FGL1: variants seen among roughly 807,000 people sequenced by gnomAD.
FGL1 encodes the protein fibrinogen like 1, also known as fibrinogen-like protein 1.
In FGL1, 59 loss-of-function variants were observed where a neutral mutation model predicts 43.7. That is an observed-to-expected ratio of 1.35 (90% CI 1.10 to 1.68). FGL1 has a LOEUF of 1.68. Ranked by LOEUF, FGL1 falls within the 40% of genes most tolerant of loss-of-function variation. The pLI is 0.00. For missense variants in FGL1, 596 were observed against 373.0 expected, an observed-to-expected ratio of 1.60 and a Z score of -4.92; for synonymous variants, 192 against 126.5, an observed-to-expected ratio of 1.52 and a Z score of -3.48.
chr8:17,884,081 TTCCC>T (rs376985659), intron 2 of FGL1, among the ~76,000 whole-genome samples: 3 of 127,970 alleles, frequency 2.3e-5, no homozygotes, highest in South Asian at 2.3e-4. Flanking sequence ...TTCTTTCTCC[TTCCC>T]TCCCTCCCTC....
intron 3 of FGL1, among the ~76,000 whole-genome samples, chr8:17,877,954 T>C (rs947869173): frequency 1.1e-4 from 17 of 152,176 alleles, no homozygotes; most frequent in Non-Finnish European, 2.4e-4. Flanking sequence ...ATATATTAAC[T>C]CATTTTATTT....
chr8:17,887,620 C>T (rs1002673594), intron 1 of FGL1, among the ~76,000 whole-genome samples: 1 of 152,064 alleles, frequency 6.6e-6, no homozygotes. Context: ...GAGGCCGAGG[C>T]GGGCGGATCA....
At chr8:17,867,149 C>T (rs35029766) in intron 7 of FGL1, among the ~76,000 whole-genome samples, 1,763 of 152,286 alleles carry the variant, frequency 0.012, 32 homozygotes, top group African/African-American at 0.039. Flanking sequence ...GCAGGGGATA[C>T]GTTCTAAGAC....
intron 1 of FGL1, among the ~76,000 whole-genome samples, chr8:17,887,696 G>T (rs543680457): frequency 6.6e-6 from 1 of 152,052 alleles, no homozygotes; most frequent in Admixed American, 6.6e-5. Context: ...TTAGCTAGGT[G>T]TGGTGGTGGG....
intron 6 of FGL1, 25 bp from the exon 7 acceptor site, chr8:17,868,760 G>C: frequency 6.3e-7 from 1 of 1,591,840 alleles, no homozygotes. Context: ...CATTTCTGCT[G>C]TCAGTGGAGT....
At chr8:17,874,146 A>T in intron 4 of FGL1, 30 bp from the exon 5 acceptor site, 1 of 1,569,994 alleles carries the variant, frequency 6.4e-7, no homozygotes, top group Non-Finnish European at 8.7e-7. Context: ...AGCCGATTAG[A>T]GCAAACTCCA....
At chr8:17,887,096 G>C (rs12543936) in intron 1 of FGL1, among the ~76,000 whole-genome samples, 49 of 152,222 alleles carry the variant, frequency 3.2e-4, no homozygotes, top group African/African-American at 7.7e-4. Context: ...GGGGAGGAGA[G>C]AGACCCTGTT....
chr8:17,868,647 G>T lies in FGL1; in HGVS notation c.680C>A (p.Ala227Asp). The T allele has an allele frequency of 6.2e-7, 1 of 1,614,018 alleles. No individual in the cohort carries two copies. The highest frequency in any genetic ancestry group is 8.5e-7 in the Non-Finnish European group (1 of 1,179,960). The change falls in exon 7 of 8, where the codon GCT (alanine) becomes GAT (aspartate). Residue 227 changes from alanine (A) to aspartate (D), a missense_variant. Transcript: ENST00000427924. ...GCTGAATTTCATTCTTTGGTGACTA[G>T]CCCACCACTGCACCTCAGGATGAAA... ...GNFHPEVQWW[A>D]SHQRMKFSTW...
chr8:17,879,245 G>C (rs939492329), intron 3 of FGL1, among the ~76,000 whole-genome samples: 1 of 151,706 alleles, frequency 6.6e-6, no homozygotes, highest in African/African-American at 2.4e-5. Flanking sequence ...TCTAACTCCT[G>C]CTTGTACAGT....
chr8:17,867,715 G>A (rs2053291181), intron 7 of FGL1, among the ~76,000 whole-genome samples: 1 of 152,180 alleles, frequency 6.6e-6, no homozygotes, highest in South Asian at 2.1e-4. Context: ...AGACAGAGGG[G>A]TGACCCACCT....
rs1337145927 is a variant in FGL1, at chr8:17,882,074, C to A, written c.169G>T (p.Glu57Ter). ...QQVKIKQLLQ[E>*]NEVQFLDKGD... ...TTATCAAGGAACTGGACTTCATTCT[C>A]CTGCAAAAGCTGCTTGATCTTGACC... is the stretch of plus-strand genomic sequence containing the variant. The change falls in exon 3 of 8, where the codon GAG (glutamate) becomes TAG (stop). Residue 57 changes from glutamate (E) to a stop codon, truncating the protein, a stop_gained. Coordinates refer to ENST00000427924, the MANE Select transcript of FGL1 (RefSeq NM_004467.4). LOFTEE classifies it high-confidence loss of function. 1.9e-6 allele frequency: 3 copies of A among 1,613,930 alleles called. No individual in the cohort carries two copies. The Admixed American group carries it at 5.0e-5, about 27-fold the overall frequency.
chr8:17,864,566 C>G lies in FGL1; in HGVS notation c.*26G>C, dbSNP rs1027564755. The G allele has an allele frequency of 6.3e-7, 1 of 1,588,496 alleles. No individual in the cohort carries two copies. Among genetic ancestry groups the G allele is most frequent in the Non-Finnish European group, 8.5e-7 (1 of 1,170,540 alleles). On this transcript the variant is annotated 3_prime_UTR_variant, in exon 8 of 8. Coordinates refer to ENST00000427924, the MANE Select transcript of FGL1 (RefSeq NM_004467.4). ...AATCACTTTAAACAAAGCTGAATTG[C>G]AGAAACGAAAGCCCAACAGCAGCAA...
chr8:17,864,652 A>G lies in FGL1; in HGVS notation c.879T>C (p.Tyr293=). The change falls in exon 8 of 8, where the codon TAT becomes TAC. Residue 293 remains tyrosine (Y), a synonymous_variant. Transcript: ENST00000427924. The part of the protein sequence containing the change: ...IVWYTWHGWW[Y]SLKSVVMKIR... ...TTTTCATAACCACAGATTTCAGAGAATACCACCACCCATGCCAGGTGTACC... is the reference window on the plus strand; with the variant it reads ...TTTTCATAACCACAGATTTCAGAGAGTACCACCACCCATGCCAGGTGTACC... 1 of 1,613,656 alleles carries G rather than the reference A, an allele frequency of 6.2e-7. No individual in the cohort carries two copies. Among genetic ancestry groups the G allele is most frequent in the Non-Finnish European group, 8.5e-7 (1 of 1,179,888 alleles).
At chr8:17,874,161 T>C in intron 4 of FGL1, 45 bp from the exon 5 acceptor site, 1 of 1,535,260 alleles carries the variant, frequency 6.5e-7, no homozygotes. Context: ...ACTCCATTTG[T>C]GGTACCAAAG....
At chr8:17,864,970 G>T (rs1002516771) in intron 7 of FGL1, among the ~76,000 whole-genome samples, 1 of 150,950 alleles carries the variant, frequency 6.6e-6, no homozygotes, top group Non-Finnish European at 1.5e-5. Context: ...TTTAATAATA[G>T]AGACAGTGTC....
Position 17,874,003 on chromosome 8 carries a change from A to G in FGL1, c.502+16T>C, listed in dbSNP as rs748189753. 2.0e-6 allele frequency: 3 copies of G among 1,535,538 alleles called. No individual in the cohort carries two copies. The highest frequency in any genetic ancestry group is 1.3e-5 in the South Asian group (1 of 79,140). On this transcript the variant is annotated intron_variant, in intron 5 of 7. Coordinates refer to ENST00000427924, the MANE Select transcript of FGL1 (RefSeq NM_004467.4). Reference sequence around the variant, plus strand: ...TTATTATATTTCAAATAAATCTGACATCATTCAAACCTTACCTTGAGTGGT... The same window carrying G: ...TTATTATATTTCAAATAAATCTGACGTCATTCAAACCTTACCTTGAGTGGT...
In FGL1 at chr8:17,884,127, C is replaced by T. The variant is rs1468514699; in HGVS notation, c.63+1365G>A. On this transcript the variant is annotated intron_variant, in intron 2 of 7. Transcript: ENST00000427924. Reference sequence around the variant, plus strand: ...TTCTTTTCTTTTCTTTCTTTCCTTTCTTCCCATCCCTAGGTCCAAGTCACA... The same window carrying T: ...TTCTTTTCTTTTCTTTCTTTCCTTTTTTCCCATCCCTAGGTCCAAGTCACA... Among the ~76,000 whole-genome samples the T allele has an allele frequency of 1.2e-4, 16 of 136,350 alleles. No homozygotes were observed. In the Admixed American group the frequency reaches 1.2e-3, roughly 10 times the overall value. 89.5% of individuals were successfully genotyped at this position (136,350 alleles called of 152,430 possible).
Position 17,882,134 on chromosome 8 carries a change from C to G in FGL1, c.109G>C (p.Val37Leu). ...AQEQMRLRAQ[V>L]RLLETRVKQQ... ...TTGACCCGGGTCTCAAGCAGGCGCA[C>G]CTGGGCTCTGAGCCGCATCTGCTCC... The change falls in exon 3 of 8, where the codon GTG (valine) becomes CTG (leucine). Residue 37 changes from valine to leucine, a missense_variant. Transcript: ENST00000427924. 1.2e-6 allele frequency: 2 copies of G among 1,613,812 alleles called. No individual in the cohort carries two copies. The highest frequency in any genetic ancestry group is 1.7e-6 in the Non-Finnish European group (2 of 1,179,846).
chr8:17,891,737 A>G, intron 1 of FGL1: 4 of 983,696 alleles, frequency 4.1e-6, no homozygotes, highest in Non-Finnish European at 3.6e-6. Context: ...ACAGTTGCTT[A>G]TGGGAGATCA....
Sources: gnomAD v4.1 joint callset for allele counts (sites outside exome capture counted in the v4.1 genomes callset) on GRCh38, gnomAD v4.1.1 for gene constraint, MANE v1.5 for transcripts, NCBI Gene and HGNC (gene_info 2026-07-23, HGNC 2026-07-21) for gene names.